Variants in SDK1 observed in about 807,000 individuals in gnomAD.
SDK1 encodes the protein protein sidekick-1.
In SDK1, 157 loss-of-function variants were observed where a neutral mutation model predicts 245.5. The observed-to-expected ratio is 0.64, with a 90% CI of 0.56 to 0.73. The LOEUF (loss-of-function observed/expected upper bound fraction) is 0.73. Among genes scored for constraint, SDK1 ranks in the 30% least tolerant of loss-of-function variants. The probability of loss-of-function intolerance (pLI) is 0.00; values close to 1 mark genes in which losing one functional copy is unlikely to be tolerated. For missense variants in SDK1, 3,583 were observed against 3,002.3 expected, an observed-to-expected ratio of 1.19 and a Z score of -4.52; for synonymous variants, 1,647 against 1,278.5, an observed-to-expected ratio of 1.29 and a Z score of -6.15.
intron 40 of SDK1, among the ~76,000 whole-genome samples, chr7:4,226,631 C>T (rs778420940): frequency 1.5e-4 from 23 of 152,202 alleles, no homozygotes; most frequent in Non-Finnish European, 3.2e-4. Flanking sequence ...AAGGACACCG[C>T]CACCAGCTTC....
intron 1 of SDK1, among the ~76,000 whole-genome samples, chr7:3,591,537 T>A (rs1401918576): frequency 6.6e-6 from 1 of 152,228 alleles, no homozygotes; most frequent in East Asian, 1.9e-4. Context: ...CACATTGACA[T>A]TCAGAAAAAC....
intron 1 of SDK1, among the ~76,000 whole-genome samples, chr7:3,353,948 A>T (rs1332757314): frequency 6.6e-6 from 1 of 150,486 alleles, no homozygotes. Flanking sequence ...AACACATTTC[A>T]TGTTGCAACC....
At chr7:3,576,339 G>C (rs1780290262) in intron 1 of SDK1, among the ~76,000 whole-genome samples, 1 of 152,116 alleles carries the variant, frequency 6.6e-6, no homozygotes, top group South Asian at 2.1e-4. Context: ...GTGTACTTCT[G>C]TGTGACTCTG....
intron 44 of SDK1, among the ~76,000 whole-genome samples, chr7:4,264,415 C>A (rs1327535385): frequency 7.3e-6 from 1 of 137,240 alleles, no homozygotes; most frequent in African/African-American, 2.6e-5. Flanking sequence ...GTAAGGAAGG[C>A]CGCGTGGACC....
chr7:3,563,224 A>G (rs1779804898), intron 1 of SDK1, among the ~76,000 whole-genome samples: 1 of 152,192 alleles, frequency 6.6e-6, no homozygotes, highest in South Asian at 2.1e-4. Context: ...AAACAAAAAT[A>G]AAATACAGTA....
chr7:4,245,681 C>T lies in SDK1; in HGVS notation c.6257C>T (p.Pro2086Leu), dbSNP rs771388281. 7 of 1,614,004 alleles carry T rather than the reference C, an allele frequency of 4.3e-6. No homozygotes were observed. In the South Asian group the frequency reaches 6.6e-5, roughly 15 times the overall value. The change falls in exon 44 of 45, where the codon CCA becomes CTA. Residue 2086 changes from proline (P) to leucine (L), a missense_variant. Pro to Leu is a moderately conservative substitution (Grantham distance 98, BLOSUM62 -3). Transcript: ENST00000404826. ...TFSKKNGTRSPPRPSPGGLHY... is the reference protein window; with the variant it reads ...TFSKKNGTRSLPRPSPGGLHY... ...AGCATGGGTCCTCATCCTAGGTCCC[C>T]ACCCCGGCCTAGCCCCGGCGGCCTG... is the stretch of plus-strand genomic sequence containing the variant.
At chr7:3,817,943 C>A (rs1583445597) in intron 4 of SDK1, among the ~76,000 whole-genome samples, 1 of 152,330 alleles carries the variant, frequency 6.6e-6, no homozygotes, top group East Asian at 1.9e-4. Context: ...TGAAAAGCAA[C>A]AGATTGATTT....
At chr7:4,234,051 T>C (rs1166452232) in intron 41 of SDK1, among the ~76,000 whole-genome samples, 1 of 151,986 alleles carries the variant, frequency 6.6e-6, no homozygotes, top group African/African-American at 2.4e-5. Flanking sequence ...GGAGCATGTG[T>C]GATTTTGGAG....
At position 4,171,190 on chromosome 7, in the gene SDK1, G is replaced by A. The variant is rs187770388; in HGVS notation, c.4801-3032G>A. On this transcript the variant is annotated intron_variant, in intron 32 of 44. Coordinates refer to ENST00000404826, the MANE Select transcript of SDK1 (RefSeq NM_152744.4). ...GGGTGTGGACGGATGGGGTGGCCACGTGCCCCAGGGACCCTGCCGTGCCTT... is the reference window on the plus strand; with the variant it reads ...GGGTGTGGACGGATGGGGTGGCCACATGCCCCAGGGACCCTGCCGTGCCTT... Among the ~76,000 whole-genome samples the A allele has an allele frequency of 5.3e-3, 801 of 152,296 alleles. 18 individuals are homozygous for A. The highest frequency in any genetic ancestry group is 0.042 in the Admixed American group (635 of 15,294).
intron 41 of SDK1, among the ~76,000 whole-genome samples, chr7:4,233,801 C>G (rs2108023): frequency 0.16 from 23,945 of 152,156 alleles, 2,518 homozygotes; most frequent in Non-Finnish European, 0.22. Context: ...CTGCTTCCCT[C>G]TGGCAGGACC....
At chr7:4,050,016 C>T (rs1049935642) in intron 18 of SDK1, among the ~76,000 whole-genome samples, 1 of 152,230 alleles carries the variant, frequency 6.6e-6, no homozygotes, top group Non-Finnish European at 1.5e-5. Flanking sequence ...GTTAACTTCA[C>T]TGATGTACCA....
At chr7:4,066,779 A>G (rs1180258720) in intron 19 of SDK1, among the ~76,000 whole-genome samples, 1 of 152,230 alleles carries the variant, frequency 6.6e-6, no homozygotes, top group Non-Finnish European at 1.5e-5. Context: ...TCCGGCCAGC[A>G]GCGACTTGCT....
At chr7:4,033,331 A>G (rs1205993675) in intron 17 of SDK1, among the ~76,000 whole-genome samples, 2 of 152,346 alleles carry the variant, frequency 1.3e-5, no homozygotes, top group Middle Eastern at 3.4e-3. Context: ...GGAGATATCA[A>G]TATTAAAAAT....
intron 4 of SDK1, among the ~76,000 whole-genome samples, chr7:3,745,100 G>A (rs1443810323): frequency 6.6e-6 from 1 of 152,108 alleles, no homozygotes; most frequent in Non-Finnish European, 1.5e-5. Flanking sequence ...CCCTGCCATT[G>A]CTGAATTTAA....
intron 1 of SDK1, among the ~76,000 whole-genome samples, chr7:3,381,832 T>A (rs1781495362): frequency 6.6e-6 from 1 of 152,184 alleles, no homozygotes; most frequent in Admixed American, 6.5e-5. Context: ...GAACCTGAAT[T>A]TAATTAAGGT....
At chr7:4,161,925 C>CGTTGT in intron 32 of SDK1, 69 bp downstream of exon 32, 6 of 1,361,704 alleles carry the variant, frequency 4.4e-6, no homozygotes, top group Non-Finnish European at 6.3e-6. Flanking sequence ...TCAGCCACAA[C>CGTTGT]GGCTGACATG....
At chr7:3,493,358 A>G (rs1359675498) in intron 1 of SDK1, among the ~76,000 whole-genome samples, 1 of 152,156 alleles carries the variant, frequency 6.6e-6, no homozygotes. Context: ...TCAGTTTTTA[A>G]TCTTTAAGTC....
intron 4 of SDK1, among the ~76,000 whole-genome samples, chr7:3,653,565 G>T (rs1044423208): frequency 6.6e-6 from 1 of 152,168 alleles, no homozygotes; most frequent in Non-Finnish European, 1.5e-5. Context: ...GGAAGGTAGG[G>T]ATTCCAGGGC....
intron 1 of SDK1, among the ~76,000 whole-genome samples, chr7:3,385,572 G>C (rs1005991652): frequency 1.3e-5 from 2 of 151,954 alleles, no homozygotes; most frequent in Non-Finnish European, 2.9e-5. Context: ...CTCTCTGCCT[G>C]GAATCTTCTT....
Sources: allele counts gnomAD v4.1 joint callset (sites outside exome capture counted in the v4.1 genomes callset), GRCh38; gene constraint gnomAD v4.1.1; transcripts MANE v1.5; gene names NCBI Gene and HGNC (gene_info 2026-07-23, HGNC 2026-07-21).